SLX4IP: variants seen among roughly 807,000 people sequenced by gnomAD.
SLX4IP encodes protein SLX4IP.
SLX4IP carries 34 observed loss-of-function variants against 32.9 expected under a neutral mutation model. The ratio of observed to expected loss-of-function variants is 1.03; its 90% CI spans 0.79 to 1.38. The LOEUF (loss-of-function observed/expected upper bound fraction) is 1.38, where lower values mean the gene tolerates loss of function less well. Ranked by LOEUF, SLX4IP falls within the 40% of genes most tolerant of loss-of-function variation. The pLI is 0.00. For missense variants in SLX4IP, 444 were observed against 479.0 expected, an observed-to-expected ratio of 0.93 and a Z score of 0.68; for synonymous variants, 172 against 171.7, an observed-to-expected ratio of 1.00 and a Z score of -0.01.
In SLX4IP at chr20:10,450,141, A is replaced by T. The variant is rs112445612; in HGVS notation, c.-29-8035A>T. On this transcript the variant is annotated intron_variant, in intron 1 of 7. Coordinates refer to ENST00000334534, the MANE Select transcript of SLX4IP (RefSeq NM_001009608.3). The stretch of plus-strand genomic sequence containing the variant: ...TGGTCTATCTGTCCTTCAGGAAAAA[A>T]AGTACATATGGGAAAACTGGTGTGT... Among the ~76,000 whole-genome samples, 729 of 152,270 alleles carry T rather than the reference A, an allele frequency of 4.8e-3. 16 individuals carry two copies. The South Asian group carries it at 0.069, about 14-fold the overall frequency.
intron 2 of SLX4IP, among the ~76,000 whole-genome samples, chr20:10,516,593 T>C (rs943974863): frequency 1.3e-5 from 2 of 152,238 alleles, no homozygotes; most frequent in Non-Finnish European, 2.9e-5. Flanking sequence ...ACAAATCAGA[T>C]TCATTGCTTT....
chr20:10,439,175 C>T (rs928211186), intron 1 of SLX4IP, among the ~76,000 whole-genome samples: 28 of 151,420 alleles, frequency 1.8e-4, no homozygotes, highest in African/African-American at 6.8e-4. Flanking sequence ...TCTCACATTG[C>T]TTTGTTCTTC....
intron 4 of SLX4IP, among the ~76,000 whole-genome samples, chr20:10,571,397 C>G (rs1432967676): frequency 6.6e-6 from 1 of 152,154 alleles, no homozygotes; most frequent in African/African-American, 2.4e-5. Context: ...TGCCCATGGT[C>G]ATTGATCAGC....
At chr20:10,459,284 T>G (rs2065316066) in intron 2 of SLX4IP, among the ~76,000 whole-genome samples, 1 of 152,238 alleles carries the variant, frequency 6.6e-6, no homozygotes, top group Non-Finnish European at 1.5e-5. Context: ...ATGGATAGCT[T>G]GCAAATATTT....
chr20:10,552,276 A>G (rs1040353283), intron 2 of SLX4IP, among the ~76,000 whole-genome samples: 7 of 152,210 alleles, frequency 4.6e-5, no homozygotes, highest in African/African-American at 1.7e-4. Context: ...GATGGTTACC[A>G]TGTTGCTTCT....
intron 4 of SLX4IP, among the ~76,000 whole-genome samples, chr20:10,562,934 G>A (rs1021692820): frequency 8.5e-5 from 13 of 152,128 alleles, no homozygotes; most frequent in African/African-American, 2.9e-4. Context: ...TACCTAGTAG[G>A]GAGATTGGTG....
At chr20:10,486,423 G>T (rs1250419766) in intron 2 of SLX4IP, among the ~76,000 whole-genome samples, 2 of 152,078 alleles carry the variant, frequency 1.3e-5, no homozygotes, top group African/African-American at 4.8e-5. Context: ...CTTTGTACCT[G>T]AAGAATCAAG....
intron 2 of SLX4IP, among the ~76,000 whole-genome samples, chr20:10,517,881 AG>A (rs2065863168): frequency 6.6e-6 from 1 of 152,220 alleles, no homozygotes; most frequent in South Asian, 2.1e-4. Context: ...GCTATATACA[AG>A]TTCCTTCCAG....
chr20:10,488,138 A>G (rs1044562426), intron 2 of SLX4IP, among the ~76,000 whole-genome samples: 1 of 152,176 alleles, frequency 6.6e-6, no homozygotes, highest in Non-Finnish European at 1.5e-5. Context: ...ATCCCTTCCC[A>G]AAAATGTATG....
At chr20:10,562,463 T>A (rs2066343641) in intron 4 of SLX4IP, among the ~76,000 whole-genome samples, 1 of 152,104 alleles carries the variant, frequency 6.6e-6, no homozygotes, top group Non-Finnish European at 1.5e-5. Context: ...GAACAACTTC[T>A]TCCGTTCCTC....
At chr20:10,468,478 A>G (rs2065398706) in intron 2 of SLX4IP, among the ~76,000 whole-genome samples, 1 of 152,092 alleles carries the variant, frequency 6.6e-6, no homozygotes, top group African/African-American at 2.4e-5. Flanking sequence ...CATTCTGATA[A>G]TTACTCTCCC....
intron 2 of SLX4IP, among the ~76,000 whole-genome samples, chr20:10,485,787 T>C (rs535225724): frequency 1.1e-4 from 16 of 152,310 alleles, no homozygotes; most frequent in African/African-American, 3.8e-4. Context: ...CTAGAGAACA[T>C]ATACTGTATG....
At chr20:10,439,128 A>G (rs1392424259) in intron 1 of SLX4IP, among the ~76,000 whole-genome samples, 1 of 152,134 alleles carries the variant, frequency 6.6e-6, no homozygotes, top group African/African-American at 2.4e-5. Context: ...TCACCAATTG[A>G]TGGACATTTG....
intron 2 of SLX4IP, among the ~76,000 whole-genome samples, chr20:10,470,751 A>G (rs2065418449): frequency 6.6e-6 from 1 of 152,142 alleles, no homozygotes; most frequent in Non-Finnish European, 1.5e-5. Context: ...AATTCACCAT[A>G]TGTTACTGAT....
intron 4 of SLX4IP, among the ~76,000 whole-genome samples, chr20:10,562,190 A>G (rs2066340134): frequency 6.6e-6 from 1 of 152,196 alleles, no homozygotes; most frequent in East Asian, 1.9e-4. Flanking sequence ...TCTCAAGGAC[A>G]GAGGGCTTTC....
At chr20:10,532,196 C>T (rs1461274838) in intron 2 of SLX4IP, among the ~76,000 whole-genome samples, 1 of 152,030 alleles carries the variant, frequency 6.6e-6, no homozygotes, top group African/African-American at 2.4e-5. Flanking sequence ...GAACTTTCAT[C>T]TGTATTTAAT....
At chr20:10,475,489 T>C (rs1056040977) in intron 2 of SLX4IP, among the ~76,000 whole-genome samples, 6 of 152,324 alleles carry the variant, frequency 3.9e-5, no homozygotes, top group African/African-American at 1.2e-4. Flanking sequence ...AGTGTGCTAT[T>C]GAGCTGGTGA....
chr20:10,487,083 G>C (rs1326477391), intron 2 of SLX4IP, among the ~76,000 whole-genome samples: 2 of 152,158 alleles, frequency 1.3e-5, no homozygotes, highest in South Asian at 2.1e-4. Context: ...AACTCTGAAT[G>C]CCTCTGTTCT....
chr20:10,581,915 A>G (rs2066591307), intron 4 of SLX4IP, among the ~76,000 whole-genome samples: 1 of 152,132 alleles, frequency 6.6e-6, no homozygotes, highest in Non-Finnish European at 1.5e-5. Flanking sequence ...GTAACTGGAA[A>G]CATCTTCACC....
Sources: allele counts gnomAD v4.1 joint callset (sites outside exome capture counted in the v4.1 genomes callset), GRCh38; gene constraint gnomAD v4.1.1; transcripts MANE v1.5; gene names NCBI Gene and HGNC (gene_info 2026-07-23, HGNC 2026-07-21).